NOL4L: variants seen among roughly 807,000 people sequenced by gnomAD.
NOL4L encodes the protein nucleolar protein 4-like.
In NOL4L, 7 loss-of-function variants were observed where a neutral mutation model predicts 64.5. That is an observed-to-expected ratio of 0.11 (90% confidence interval 0.06 to 0.20). The LOEUF is 0.20. NOL4L is among the 10% of genes least tolerant of loss of function. NOL4L has a pLI of 1.00. For synonymous variants in NOL4L, 413 were observed against 401.0 expected, an observed-to-expected ratio of 1.03 and a Z score of -0.36; for missense variants, 680 against 967.1, an observed-to-expected ratio of 0.70 and a Z score of 3.94.
Position 32,584,740 on chromosome 20 carries a change from G to T in NOL4L, c.151C>A (p.Arg51=). The stretch of plus-strand genomic sequence containing the variant: ...CCGCCCTGCAGGACCTCGGCGATCC[G>T]CTGGTATTTGCTGCGTGTCACCGTC... ...TKTVTRSKYQ[R]IAEVLQGGGG... is the part of the protein sequence containing the mutation. The change falls in exon 1 of 11, where the codon CGG becomes AGG. Residue 51 remains arginine, a synonymous_variant. Coordinates refer to ENST00000621426, the MANE Select transcript of NOL4L (RefSeq NM_001256798.2). The T allele has an allele frequency of 6.5e-7, 1 of 1,547,042 alleles. No homozygotes were observed. Among genetic ancestry groups the T allele is most frequent in the Non-Finnish European group, 8.7e-7 (1 of 1,145,604 alleles).
At chr20:32,498,420 TA>T (rs11482808) in intron 4 of NOL4L, among the ~76,000 whole-genome samples, 4,475 of 145,046 alleles carry the variant, frequency 0.031, 177 homozygotes, top group African/African-American at 0.1. Flanking sequence ...TCTGTTCTCT[TA>T]AAAAAAAAAA....
At chr20:32,449,210 G>A (rs945457319) in intron 10 of NOL4L, among the ~76,000 whole-genome samples, 6 of 152,356 alleles carry the variant, frequency 3.9e-5, no homozygotes, top group Non-Finnish European at 7.4e-5. Flanking sequence ...AGCCAGGTCA[G>A]CTTCTCTGTT....
chr20:32,488,829 T>TCTC (rs2016296303), intron 4 of NOL4L, among the ~76,000 whole-genome samples: 1 of 39,316 alleles, frequency 2.5e-5, no homozygotes, highest in Non-Finnish European at 4.5e-5. Flanking sequence ...TTCTTTCTTT[T>TCTC]TCTTTCTTTC....
intron 1 of NOL4L, among the ~76,000 whole-genome samples, chr20:32,569,178 A>G (rs565522366): frequency 1.3e-5 from 2 of 152,232 alleles, no homozygotes; most frequent in East Asian, 1.9e-4. Flanking sequence ...AAAGACAATC[A>G]GGGAGGGCCT....
rs1186215497 is a variant in NOL4L, at chr20:32,583,662, C to T, written c.321+908G>A. Among the ~76,000 whole-genome samples the T allele has an allele frequency of 2.0e-5, 3 of 149,360 alleles. No individual in the cohort carries two copies. In the East Asian group the frequency reaches 6.1e-4, roughly 30 times the overall value. On this transcript the variant is annotated intron_variant, in intron 1 of 10. Transcript: ENST00000621426. Reference sequence around the variant, plus strand: ...GGAGCGGCCGCCCCCCCCCCAGCCCCCACCCTCTGCAGAACAATGAGGTCC... The same window carrying T: ...GGAGCGGCCGCCCCCCCCCCAGCCCTCACCCTCTGCAGAACAATGAGGTCC...
chr20:32,577,179 C>A (rs1375671444), intron 1 of NOL4L, among the ~76,000 whole-genome samples: 2 of 152,214 alleles, frequency 1.3e-5, no homozygotes, highest in Non-Finnish European at 2.9e-5. Flanking sequence ...TGGGCTCAGA[C>A]CCCTGCCGGA....
intron 3 of NOL4L, among the ~76,000 whole-genome samples, chr20:32,518,140 C>T (rs541587079): frequency 1.2e-4 from 19 of 152,352 alleles, no homozygotes; most frequent in African/African-American, 3.6e-4. Flanking sequence ...CCTGCTCCCT[C>T]AGCGTCTTCT....
chr20:32,537,989 G>A (rs771225227), intron 1 of NOL4L, among the ~76,000 whole-genome samples: 6 of 152,154 alleles, frequency 3.9e-5, no homozygotes, highest in Non-Finnish European at 8.8e-5. Context: ...ATGTTGGCCA[G>A]GCTGGTCTCG....
At chr20:32,522,713 C>T (rs1318252673) in intron 2 of NOL4L, among the ~76,000 whole-genome samples, 1 of 152,218 alleles carries the variant, frequency 6.6e-6, no homozygotes, top group Non-Finnish European at 1.5e-5. Flanking sequence ...GCTGCAGGAG[C>T]AAGTGTGCAG....
chr20:32,572,696 T>C (rs892301779), intron 1 of NOL4L, among the ~76,000 whole-genome samples: 6 of 152,126 alleles, frequency 3.9e-5, no homozygotes, highest in Non-Finnish European at 8.8e-5. Context: ...CTCTGACCTC[T>C]GGCTTCCATC....
chr20:32,565,006 C>CT (rs1979335169), intron 1 of NOL4L: 1 of 152,342 alleles, frequency 6.6e-6, no homozygotes, highest in Non-Finnish European at 1.5e-5. Flanking sequence ...TGAGCTGTGA[C>CT]TAGCGCCCTG....
intron 5 of NOL4L, among the ~76,000 whole-genome samples, chr20:32,462,444 G>GAGGGCTCATGCCCACAGA (rs2014156082): frequency 6.6e-6 from 1 of 152,176 alleles, no homozygotes; most frequent in African/African-American, 2.4e-5. Context: ...GTGCCCACAG[G>GAGGGCTCATGCCCACAGA]AGGGCTCATG....
intron 1 of NOL4L, among the ~76,000 whole-genome samples, chr20:32,566,031 CA>C (rs1600881288): frequency 6.6e-6 from 1 of 152,178 alleles, no homozygotes; most frequent in East Asian, 1.9e-4. Context: ...GGCAACAGAG[CA>C]AGGCCCTGTC....
chr20:32,527,784 C>A lies in NOL4L; in HGVS notation c.451G>T (p.Ala151Ser), dbSNP rs2018188924. The A allele has an allele frequency of 2.6e-6, 4 of 1,549,922 alleles. No homozygotes were observed. Among genetic ancestry groups the A allele is most frequent in the South Asian group, 1.2e-5 (1 of 84,006 alleles). Residue 151 changes from alanine to serine, a missense_variant, in exon 2 of 11, where the codon GCT becomes TCT. Transcript: ENST00000621426. ...GCTCGGTAGGTTTTCTTCTGCCCAG[C>A]GTGCTTGGGGGCTTTGCCTGGCTCC... ...SAEPGKAPKH[A>S]GQKKTYRAIA...
chr20:32,537,449 C>T (rs1266241305), intron 1 of NOL4L, among the ~76,000 whole-genome samples: 1 of 152,246 alleles, frequency 6.6e-6, no homozygotes, highest in Non-Finnish European at 1.5e-5. Flanking sequence ...CCTCGTTTCA[C>T]TTTCGCAACA....
intron 1 of NOL4L, among the ~76,000 whole-genome samples, chr20:32,555,197 G>C (rs1043878027): frequency 1.3e-5 from 2 of 152,072 alleles, no homozygotes. Flanking sequence ...TGATCTTCAG[G>C]CCTCAGCTCG....
chr20:32,458,087 C>T (rs2013723149), intron 5 of NOL4L, among the ~76,000 whole-genome samples: 1 of 152,210 alleles, frequency 6.6e-6, no homozygotes, highest in Non-Finnish European at 1.5e-5. Context: ...CCTCATGCAG[C>T]TCCCACTGGC....
intron 1 of NOL4L, among the ~76,000 whole-genome samples, chr20:32,539,282 A>G (rs1433954956): frequency 6.6e-6 from 1 of 152,158 alleles, no homozygotes; most frequent in Non-Finnish European, 1.5e-5. Flanking sequence ...GAATTCCTCA[A>G]TCGAGCACCC....
chr20:32,527,958 G>C, intron 1 of NOL4L, 45 bp from the exon 2 acceptor site: 1 of 1,535,228 alleles, frequency 6.5e-7, no homozygotes, highest in Non-Finnish European at 8.8e-7. Flanking sequence ...GAATGATGGC[G>C]GGGTGAGAAC....
Sources: gnomAD v4.1 joint callset for allele counts (sites outside exome capture counted in the v4.1 genomes callset) on GRCh38, gnomAD v4.1.1 for gene constraint, MANE v1.5 for transcripts, NCBI Gene and HGNC (gene_info 2026-07-23, HGNC 2026-07-21) for gene names.